The following FAM13A variants were observed in gnomAD, a reference collection of about 807,000 sequenced individuals.
FAM13A encodes the protein protein FAM13A.
In FAM13A, 76 loss-of-function variants were observed where a neutral mutation model predicts 129.6. The observed-to-expected ratio is 0.59, with a 90% CI of 0.49 to 0.71. FAM13A has a LOEUF of 0.71. Among genes scored for constraint, FAM13A ranks in the 30% least tolerant of loss-of-function variants. The probability of loss-of-function intolerance (pLI) is 0.00; values close to 1 mark genes in which losing one functional copy is unlikely to be tolerated. For missense variants in FAM13A, 1,108 were observed against 1,249.3 expected (o/e 0.89, Z 1.70); for synonymous variants, 443 against 449.9 (o/e 0.98, Z 0.20).
chr4:88,945,990 G>GTGTGTATATATATATATA lies in FAM13A; in HGVS notation c.606-7750_606-7749insTATATATATATATACACA. On this transcript the variant is annotated intron_variant, in intron 4 of 23. Coordinates refer to ENST00000264344, the MANE Select transcript of FAM13A (RefSeq NM_014883.4). ...TGTGTGTGTGTGTGTGTGTGTGTGT[G>GTGTGTATATATATATATA]TATATATATATATATATATATATAT... 2.5e-3 allele frequency among the ~76,000 whole-genome samples: 157 copies of GTGTGTATATATATATATA among 61,824 alleles called. 2 individuals carry two copies. Among genetic ancestry groups the GTGTGTATATATATATATA allele is most frequent in the African/African-American group, 4.9e-3 (57 of 11,552 alleles). 40.6% of individuals were successfully genotyped at this position (61,824 alleles called of 152,430 possible). A position where few individuals can be genotyped will look rare whatever the true frequency, so the allele number is the denominator to read the frequency against.
intron 5 of FAM13A, among the ~76,000 whole-genome samples, chr4:88,913,051 T>C (rs1159621598): frequency 7.8e-6 from 1 of 127,584 alleles, no homozygotes; most frequent in African/African-American, 3.0e-5. Flanking sequence ...GTAGTAGAAG[T>C]AGTAGTAGAG....
intron 3 of FAM13A, among the ~76,000 whole-genome samples, chr4:88,991,482 G>A (rs1057092412): frequency 6.6e-6 from 1 of 151,958 alleles, no homozygotes; most frequent in Non-Finnish European, 1.5e-5. Context: ...ACTAACTTAT[G>A]CAAGAAATAT....
At position 88,781,181 on chromosome 4, in the gene FAM13A, T is replaced by C. The variant is rs755415052; in HGVS notation, c.1442A>G (p.Asn481Ser). The C allele has an allele frequency of 6.2e-7, 1 of 1,608,658 alleles. No individual in the cohort carries two copies. The highest frequency in any genetic ancestry group is 8.5e-7 in the Non-Finnish European group (1 of 1,177,182). ...TTCACTTACCACAAGACCGTCCTGA[T>C]TGTCATGAAGCTCAGAAAGTTTAGT... ...SSTKLSELHD[N>S]QDGLVNMESL... is the part of the protein sequence containing the mutation. Residue 481 changes from asparagine (N) to serine (S), a missense_variant, in exon 11 of 24, where the codon AAT (asparagine) becomes AGT (serine). Transcript: ENST00000264344.
At chr4:88,958,245 G>T (rs893062172) in intron 4 of FAM13A, among the ~76,000 whole-genome samples, 1 of 152,100 alleles carries the variant, frequency 6.6e-6, no homozygotes, top group African/African-American at 2.4e-5. Context: ...AGGCCCAGAG[G>T]CCTAGGAAAA....
chr4:88,805,426 G>A (rs1728359129), intron 7 of FAM13A, among the ~76,000 whole-genome samples: 1 of 152,142 alleles, frequency 6.6e-6, no homozygotes, highest in South Asian at 2.1e-4. Context: ...TTAACATGAT[G>A]ATGAAAATAA....
At chr4:89,055,151 AGTAAAAAGT>A (rs1306130888) in intron 1 of FAM13A, among the ~76,000 whole-genome samples, 1 of 152,230 alleles carries the variant, frequency 6.6e-6, no homozygotes, top group African/African-American at 2.4e-5. Flanking sequence ...TCCTACACAA[AGTAAAAAGT>A]AGTGTATCAG....
intron 6 of FAM13A, among the ~76,000 whole-genome samples, chr4:88,860,448 A>G (rs1265707921): frequency 6.6e-6 from 1 of 152,220 alleles, no homozygotes; most frequent in Non-Finnish European, 1.5e-5. Context: ...AGTAAGTACC[A>G]CAATTATCTG....
At chr4:88,922,721 T>C (rs1477026122) in intron 5 of FAM13A, among the ~76,000 whole-genome samples, 1 of 151,672 alleles carries the variant, frequency 6.6e-6, no homozygotes, top group Non-Finnish European at 1.5e-5. Context: ...CTGAAGGAAA[T>C]AGAGACACAA....
intron 4 of FAM13A, among the ~76,000 whole-genome samples, chr4:88,982,304 TTTCTAA>T (rs1395830319): frequency 6.6e-6 from 1 of 152,262 alleles, no homozygotes; most frequent in East Asian, 1.9e-4. Flanking sequence ...CCATCTCATG[TTTCTAA>T]AGAGCCCAGT....
At chr4:88,800,676 C>T (rs1727258857) in intron 8 of FAM13A, among the ~76,000 whole-genome samples, 4 of 140,306 alleles carry the variant, frequency 2.9e-5, no homozygotes, top group Admixed American at 2.2e-4. Flanking sequence ...CAGAGTGAGA[C>T]TCCATCTCAG....
intron 3 of FAM13A, among the ~76,000 whole-genome samples, chr4:89,004,169 C>G (rs2178586): frequency 6.6e-6 from 1 of 151,942 alleles, no homozygotes; most frequent in Non-Finnish European, 1.5e-5. Context: ...GATGGAGTCT[C>G]ATTTTGTTGC....
chr4:88,876,062 G>A (rs957220013), intron 6 of FAM13A, among the ~76,000 whole-genome samples: 3 of 152,114 alleles, frequency 2.0e-5, no homozygotes, highest in Non-Finnish European at 2.9e-5. Context: ...AACACCGCAT[G>A]TTCTCACTCA....
At chr4:88,958,838 A>G (rs995255425) in intron 4 of FAM13A, among the ~76,000 whole-genome samples, 5 of 152,204 alleles carry the variant, frequency 3.3e-5, no homozygotes, top group African/African-American at 4.8e-5. Flanking sequence ...ACAGATGCTC[A>G]ACATCCTGTA....
At chr4:89,054,481 G>A (rs571525282) in intron 1 of FAM13A, among the ~76,000 whole-genome samples, 2 of 152,204 alleles carry the variant, frequency 1.3e-5, no homozygotes, top group Admixed American at 6.5e-5. Flanking sequence ...GGCATGCTGG[G>A]TATTTTTAAT....
At chr4:88,870,292 G>A (rs1347237470) in intron 6 of FAM13A, among the ~76,000 whole-genome samples, 1 of 152,322 alleles carries the variant, frequency 6.6e-6, no homozygotes, top group Non-Finnish European at 1.5e-5. Context: ...TGGACAGTGG[G>A]TGCAGCCCAC....
intron 7 of FAM13A, among the ~76,000 whole-genome samples, chr4:88,841,297 C>G (rs1561136187): frequency 6.6e-6 from 1 of 152,080 alleles, no homozygotes; most frequent in East Asian, 1.9e-4. Flanking sequence ...AGTTCAAGAC[C>G]AGCCTGACCA....
chr4:88,819,085 G>C (rs1731383636), intron 7 of FAM13A, among the ~76,000 whole-genome samples: 1 of 152,092 alleles, frequency 6.6e-6, no homozygotes, highest in Non-Finnish European at 1.5e-5. Flanking sequence ...CTTTTTTGAA[G>C]AAGAGCCACT....
At chr4:88,827,152 T>C (rs1337165896) in intron 7 of FAM13A, among the ~76,000 whole-genome samples, 2 of 152,222 alleles carry the variant, frequency 1.3e-5, no homozygotes. Context: ...TGCCTTTTCT[T>C]AGATCCTCTC....
chr4:88,781,454 C>G (rs1722848709), intron 10 of FAM13A, 103 bp from the exon 11 acceptor site: 5 of 777,862 alleles, frequency 6.4e-6, no homozygotes, highest in Non-Finnish European at 9.8e-6. Context: ...AAAGAGTGCC[C>G]AGAAATTCCA....
Sources: gnomAD v4.1 joint callset for allele counts (sites outside exome capture counted in the v4.1 genomes callset) on GRCh38, gnomAD v4.1.1 for gene constraint, MANE v1.5 for transcripts, NCBI Gene and HGNC (gene_info 2026-07-23, HGNC 2026-07-21) for gene names.